PLCZ1: variants seen among roughly 807,000 people sequenced by gnomAD.
PLCZ1 encodes 1-phosphatidylinositol 4,5-bisphosphate phosphodiesterase zeta-1.
PLCZ1 carries 64 observed loss-of-function variants against 76.8 expected under a neutral mutation model. The observed-to-expected ratio is 0.83, with a 90% CI of 0.68 to 1.03. The LOEUF is 1.03. Among genes scored for constraint, PLCZ1 ranks in the 50% least tolerant of loss-of-function variants. PLCZ1 has a pLI of 0.00. For missense variants in PLCZ1, 751 were observed against 713.7 expected, an observed-to-expected ratio of 1.05 and a Z score of -0.60; for synonymous variants, 248 against 230.8, an observed-to-expected ratio of 1.07 and a Z score of -0.68.
the PLCZ1 span, among the ~76,000 whole-genome samples, chr12:18,665,399 TCAC>T: frequency 1.3e-5 from 2 of 152,132 alleles, no homozygotes; most frequent in South Asian, 4.1e-4. Flanking sequence ...TATTTGTATT[TCAC>T]CACAAGAAAA....
At chr12:18,693,372 G>C in intron 12 of PLCZ1, 4 of 1,603,582 alleles carry the variant, frequency 2.5e-6, no homozygotes, top group East Asian at 2.2e-5. Context: ...GGAAATTAAG[G>C]AATCTGTGGA....
chr12:18,695,367 C>T (rs1221996657), intron 11 of PLCZ1, among the ~76,000 whole-genome samples: 5 of 152,108 alleles, frequency 3.3e-5, no homozygotes, highest in Admixed American at 3.3e-4. Flanking sequence ...ATGTTCATGT[C>T]AGGTAACACT....
At chr12:18,711,687 A>T (rs764685892) in intron 6 of PLCZ1, among the ~76,000 whole-genome samples, 31 of 151,922 alleles carry the variant, frequency 2.0e-4, no homozygotes, top group Non-Finnish European at 4.0e-4. Flanking sequence ...GATGGGGAAG[A>T]TCGTGGCGAG....
In PLCZ1 at chr12:18,723,318, G is replaced by C. The variant is rs79487790; in HGVS notation, c.360C>G (p.Ile120Met). 2,304 of 1,609,454 alleles carry C rather than the reference G, an allele frequency of 1.4e-3. 29 individuals carry two copies. In the African/African-American group the frequency reaches 0.027, roughly 19 times the overall value. ...TTTGAAATGCAAACATACCTTCTTC[G>C]ATAGGCTCGTATTTCTGAATGATCT... ...AFEIIQKYEP[I>M]EEVRKAHQMS... The change falls in exon 4 of 15, where the codon ATC becomes ATG. Residue 120 changes from isoleucine to methionine, a missense_variant. Physicochemically the swap from Ile to Met is conservative, Grantham distance 10. Coordinates refer to ENST00000266505, the MANE Select transcript of PLCZ1 (RefSeq NM_033123.4).
At chr12:18,715,323 C>G (rs897755954) in intron 5 of PLCZ1, among the ~76,000 whole-genome samples, 8 of 151,802 alleles carry the variant, frequency 5.3e-5, no homozygotes, top group African/African-American at 1.9e-4. Context: ...TCTCATTTAA[C>G]TTGGAGGCTT....
intron 6 of PLCZ1, among the ~76,000 whole-genome samples, chr12:18,712,236 A>G (rs1460456947): frequency 6.6e-6 from 1 of 152,164 alleles, no homozygotes; most frequent in Non-Finnish European, 1.5e-5. Context: ...CACGTTTATA[A>G]ATGAAACCAG....
At chr12:18,693,976 A>G in intron 12 of PLCZ1, 2 of 1,508,546 alleles carry the variant, frequency 1.3e-6, no homozygotes, top group South Asian at 2.3e-5. Context: ...CAGTCTGTAC[A>G]GAAGCTGGTC....
the PLCZ1 span, among the ~76,000 whole-genome samples, chr12:18,662,728 G>C: frequency 1.5e-4 from 23 of 152,202 alleles, no homozygotes; most frequent in African/African-American, 5.5e-4. Flanking sequence ...GGTCTAGTCT[G>C]TAAAGGAGCA....
chr12:18,649,234 C>T, the PLCZ1 span, among the ~76,000 whole-genome samples: 1 of 152,064 alleles, frequency 6.6e-6, no homozygotes, highest in Non-Finnish European at 1.5e-5. Context: ...AAATTAGAAT[C>T]AGTAAAAAGA....
At chr12:18,698,631 T>C (rs1158576144) in intron 10 of PLCZ1, among the ~76,000 whole-genome samples, 1 of 152,088 alleles carries the variant, frequency 6.6e-6, no homozygotes, top group Non-Finnish European at 1.5e-5. Context: ...GTAGATTGCA[T>C]TTTTTTAACT....
At chr12:18,687,816 T>G (rs1426574460) in intron 13 of PLCZ1, among the ~76,000 whole-genome samples, 1 of 152,072 alleles carries the variant, frequency 6.6e-6, no homozygotes, top group Non-Finnish European at 1.5e-5. Context: ...TTCGGTGATA[T>G]GAGAGAAAAC....
At chr12:18,697,372 A>G (rs1164689369) in intron 10 of PLCZ1, among the ~76,000 whole-genome samples, 3 of 152,160 alleles carry the variant, frequency 2.0e-5, no homozygotes, top group Non-Finnish European at 4.4e-5. Context: ...TAAATACAGC[A>G]TAGGTGTCCA....
the PLCZ1 span, among the ~76,000 whole-genome samples, chr12:18,645,910 G>T: frequency 6.6e-6 from 1 of 152,124 alleles, no homozygotes; most frequent in South Asian, 2.1e-4. Context: ...ACACTTTGAG[G>T]GTTCCTTTCT....
the PLCZ1 span, among the ~76,000 whole-genome samples, chr12:18,650,712 C>CTATATATATATATA: frequency 1.4e-4 from 2 of 14,614 alleles, no homozygotes; most frequent in Admixed American, 1.1e-3. Context: ...GTGTATATAT[C>CTATATATATATATA]TATATATATA....
At chr12:18,736,083 C>G (rs572975812) in intron 3 of PLCZ1, 138 bp downstream of exon 3, 50 of 931,312 alleles carry the variant, frequency 5.4e-5, no homozygotes, top group Non-Finnish European at 7.2e-5. Flanking sequence ...TACTGAAATG[C>G]TCTCCATCTT....
At chr12:18,718,421 T>TA in intron 5 of PLCZ1, among the ~76,000 whole-genome samples, 1 of 152,268 alleles carries the variant, frequency 6.6e-6, no homozygotes, top group Non-Finnish European at 1.5e-5. Context: ...GCAGCTGGGA[T>TA]AAAATCTATT....
chr12:18,652,623 T>A, the PLCZ1 span, among the ~76,000 whole-genome samples: 1 of 152,118 alleles, frequency 6.6e-6, no homozygotes, highest in Non-Finnish European at 1.5e-5. Flanking sequence ...CTTGGCACAA[T>A]GTTTTTTAAA....
chr12:18,648,168 G>A, the PLCZ1 span: 9 of 414,712 alleles, frequency 2.2e-5, no homozygotes, highest in Non-Finnish European at 3.8e-5. Flanking sequence ...ATCAGAATTA[G>A]TCTTTTGTGT....
At position 18,699,970 on chromosome 12, in the gene PLCZ1, A is replaced by G. The variant is rs752940980; in HGVS notation, c.1018-20T>C. 1.3e-6 allele frequency: 2 copies of G among 1,597,998 alleles called. No individual in the cohort carries two copies. The highest frequency in any genetic ancestry group is 3.4e-5 in the Admixed American group (2 of 58,984). On this transcript the variant is annotated intron_variant, in intron 9 of 14. Transcript: ENST00000266505. ...CCTGGTCTAAAAATAAAATGCAGTA[A>G]TTTTACATTTTTATGCTAATCATTG...
Sources: allele counts gnomAD v4.1 joint callset (sites outside exome capture counted in the v4.1 genomes callset), GRCh38; gene constraint gnomAD v4.1.1; transcripts MANE v1.5; gene names NCBI Gene and HGNC (gene_info 2026-07-23, HGNC 2026-07-21).